The following CSMD1 variants were observed in gnomAD, a reference collection of about 807,000 sequenced individuals.
The protein encoded by CSMD1 is CUB and Sushi multiple domains 1.
CSMD1 carries 213 observed loss-of-function variants against 417.5 expected under a neutral mutation model. The observed-to-expected ratio is 0.51, with a 90% CI of 0.46 to 0.57. The LOEUF is 0.57. Ranked by LOEUF, CSMD1 falls within the 20% of genes least tolerant of loss-of-function variation. CSMD1 has a pLI of 0.00. For missense variants in CSMD1, 6,923 were observed against 4,529.7 expected, an observed-to-expected ratio of 1.53 and a Z score of -15.17; for synonymous variants, 2,862 against 1,736.8, an observed-to-expected ratio of 1.65 and a Z score of -16.11.
intron 5 of CSMD1, among the ~76,000 whole-genome samples, chr8:3,804,028 A>G (rs930967245): frequency 3.3e-5 from 5 of 152,068 alleles, no homozygotes; most frequent in Non-Finnish European, 7.4e-5. Context: ...CCTGAGTTCA[A>G]GCGATTCTTC....
chr8:3,692,384 C>T (rs771713867), intron 7 of CSMD1, among the ~76,000 whole-genome samples: 1 of 152,136 alleles, frequency 6.6e-6, no homozygotes, highest in Admixed American at 6.5e-5. Context: ...TTCTGTGGAG[C>T]TTGTCACTTC....
chr8:3,050,924 C>T (rs1414559108), intron 50 of CSMD1, among the ~76,000 whole-genome samples: 1 of 152,084 alleles, frequency 6.6e-6, no homozygotes, highest in Non-Finnish European at 1.5e-5. Context: ...GCAAAAATAT[C>T]ATTGTAAATA....
At chr8:4,887,748 G>T (rs867268806) in intron 1 of CSMD1, among the ~76,000 whole-genome samples, 2 of 151,764 alleles carry the variant, frequency 1.3e-5, no homozygotes, top group African/African-American at 4.8e-5. Context: ...ATATTTTCCT[G>T]ATGAGTTGAC....
intron 3 of CSMD1, among the ~76,000 whole-genome samples, chr8:4,136,172 C>T (rs929738282): frequency 3.9e-5 from 6 of 152,158 alleles, no homozygotes; most frequent in South Asian, 2.1e-4. Context: ...AGAAAAGATA[C>T]GATATACACA....
At chr8:3,899,350 C>G (rs772102635) in intron 5 of CSMD1, among the ~76,000 whole-genome samples, 1 of 152,180 alleles carries the variant, frequency 6.6e-6, no homozygotes, top group African/African-American at 2.4e-5. Context: ...GTTTGCTGGA[C>G]AGATTCTCCG....
chr8:4,630,417 G>C (rs1449459530), intron 2 of CSMD1, among the ~76,000 whole-genome samples: 2 of 151,620 alleles, frequency 1.3e-5, no homozygotes, highest in East Asian at 2.0e-4. Flanking sequence ...TGAATTAATT[G>C]GTCTTCTCCT....
At chr8:2,948,544 TTAAA>T (rs971378672) in intron 68 of CSMD1, among the ~76,000 whole-genome samples, 6 of 152,256 alleles carry the variant, frequency 3.9e-5, no homozygotes, top group Admixed American at 6.5e-5. Flanking sequence ...CCTCATTTCT[TTAAA>T]TAAATATACT....
At chr8:3,377,514 C>T (rs1339296947) in intron 18 of CSMD1, among the ~76,000 whole-genome samples, 1 of 152,234 alleles carries the variant, frequency 6.6e-6, no homozygotes, top group East Asian at 1.9e-4. Flanking sequence ...AACTGGCATC[C>T]CTATAGCATC....
At chr8:3,303,583 G>C (rs1321424991) in intron 25 of CSMD1, among the ~76,000 whole-genome samples, 1 of 152,172 alleles carries the variant, frequency 6.6e-6, no homozygotes, top group Non-Finnish European at 1.5e-5. Flanking sequence ...AGGAACAGAA[G>C]TACATTCAAA....
chr8:4,318,265 T>C lies in CSMD1; in HGVS notation c.415+101688A>G, dbSNP rs1050729783. The stretch of plus-strand genomic sequence containing the variant: ...GAAAGAAATGACACTTGGTAACATT[T>C]TTCCTTAATTAAAGTTTTTACTTTC... On this transcript the variant is annotated intron_variant, in intron 3 of 69. Coordinates refer to ENST00000635120, the MANE Select transcript of CSMD1 (RefSeq NM_033225.6). 2.0e-5 allele frequency among the ~76,000 whole-genome samples: 3 copies of C among 152,270 alleles called. No individual in the cohort carries two copies. In the South Asian group the frequency reaches 6.2e-4, roughly 32 times the overall value.
At position 3,952,292 on chromosome 8, in the gene CSMD1, G is replaced by A. The variant is rs562074143; in HGVS notation, c.818+45611C>T. 7.9e-5 allele frequency among the ~76,000 whole-genome samples: 12 copies of A among 152,226 alleles called. No individual in the cohort carries two copies. In the East Asian group the frequency reaches 1.2e-3, roughly 15 times the overall value. On this transcript the variant is annotated intron_variant, in intron 5 of 69. Coordinates refer to ENST00000635120, the MANE Select transcript of CSMD1 (RefSeq NM_033225.6). ...CACAGTAAATACTTCTAGAGGCTAC[G>A]CGAAAGGTGTCGTGGCTATAAATTG...
rs755357891 is a variant in CSMD1, at chr8:3,151,406, T to C, written c.6022A>G (p.Ile2008Val). The change falls in exon 40 of 70, where the codon ATC (isoleucine) becomes GTC (valine). Residue 2008 changes from isoleucine to valine, a missense_variant. Coordinates refer to ENST00000635120, the MANE Select transcript of CSMD1 (RefSeq NM_033225.6). ...TAACATTTTCACTTACCATAGCCGATGGGTAATGAGATCCTCCAGGTGCAG... is the reference window on the plus strand; with the variant it reads ...TAACATTTTCACTTACCATAGCCGACGGGTAATGAGATCCTCCAGGTGCAG... Reference protein sequence around the residue: ...LDCTWRISLPIGYGAHIQFLN... With the variant: ...LDCTWRISLPVGYGAHIQFLN... The C allele has an allele frequency of 5.6e-6, 9 of 1,608,388 alleles. No individual in the cohort carries two copies. Among genetic ancestry groups the C allele is most frequent in the South Asian group, 3.3e-5 (3 of 90,686 alleles).
At chr8:2,963,098 T>G in intron 60 of CSMD1, 124 bp downstream of exon 60, 1 of 1,040,712 alleles carries the variant, frequency 9.6e-7, no homozygotes, top group South Asian at 1.5e-5. Flanking sequence ...TGAGTTTTTG[T>G]GTATTTTAGG....
At chr8:3,306,344 T>C (rs183779591) in intron 25 of CSMD1, among the ~76,000 whole-genome samples, 5 of 152,336 alleles carry the variant, frequency 3.3e-5, no homozygotes, top group East Asian at 1.9e-4. Context: ...CAGATGCTTT[T>C]TGTATTTTTA....
At chr8:3,479,629 C>G (rs925254275) in intron 11 of CSMD1, among the ~76,000 whole-genome samples, 1 of 152,130 alleles carries the variant, frequency 6.6e-6, no homozygotes, top group East Asian at 1.9e-4. Flanking sequence ...TGGCAAAAAA[C>G]CACAGTTGCT....
intron 2 of CSMD1, among the ~76,000 whole-genome samples, chr8:4,635,042 A>C (rs184851664): frequency 1.9e-3 from 291 of 152,294 alleles, no homozygotes; most frequent in African/African-American, 6.9e-3. Flanking sequence ...AGATGAAAGC[A>C]ACATCCTAAC....
intron 3 of CSMD1, among the ~76,000 whole-genome samples, chr8:4,138,204 C>CCTT (rs1803554335): frequency 9.1e-6 from 1 of 109,630 alleles, no homozygotes; most frequent in African/African-American, 3.6e-5. Context: ...CGCAGCCTTA[C>CCTT]ATTTTTTTTT....
chr8:3,387,433 T>A, intron 18 of CSMD1, 61 bp downstream of exon 18: 3 of 1,405,560 alleles, frequency 2.1e-6, no homozygotes, highest in East Asian at 2.5e-5. Context: ...CCCAGCTAGT[T>A]AGACGTGTGC....
intron 5 of CSMD1, among the ~76,000 whole-genome samples, chr8:3,989,992 A>G (rs1272901080): frequency 2.6e-5 from 4 of 152,228 alleles, no homozygotes; most frequent in African/African-American, 9.6e-5. Context: ...GTACAATTGG[A>G]ACACGAGGAT....
Sources: gnomAD v4.1 joint callset for allele counts (sites outside exome capture counted in the v4.1 genomes callset) on GRCh38, gnomAD v4.1.1 for gene constraint, MANE v1.5 for transcripts, NCBI Gene and HGNC (gene_info 2026-07-23, HGNC 2026-07-21) for gene names.